PARD3: variants seen among roughly 807,000 people sequenced by gnomAD.
The protein encoded by PARD3 is par-3 family cell polarity regulator.
PARD3 carries 75 observed loss-of-function variants against 155.4 expected under a neutral mutation model. The ratio of observed to expected loss-of-function variants is 0.48; its 90% CI spans 0.40 to 0.58. The LOEUF is 0.58. Ranked by LOEUF, PARD3 falls within the 20% of genes least tolerant of loss-of-function variation. The pLI is 0.00. For synonymous variants in PARD3, 576 were observed against 610.5 expected (o/e 0.94, Z 0.83); for missense variants, 1,642 against 1,721.7 (o/e 0.95, Z 0.82).
chr10:34,276,478 G>A (rs1371454827), intron 21 of PARD3, among the ~76,000 whole-genome samples: 4 of 152,052 alleles, frequency 2.6e-5, no homozygotes, highest in Non-Finnish European at 4.4e-5. Flanking sequence ...AATGGATGAC[G>A]CTCGATGAAG....
chr10:34,711,437 C>G (rs1247102736), intron 1 of PARD3, among the ~76,000 whole-genome samples: 2 of 152,028 alleles, frequency 1.3e-5, no homozygotes, highest in East Asian at 1.9e-4. Flanking sequence ...AGAAGAATCC[C>G]TTGAACCCAG....
intron 1 of PARD3, among the ~76,000 whole-genome samples, chr10:34,747,661 G>A (rs762236906): frequency 3.9e-5 from 6 of 152,186 alleles, no homozygotes; most frequent in Non-Finnish European, 7.3e-5. Flanking sequence ...AGCTGGTGTC[G>A]TGGTATGCCC....
chr10:34,255,126 G>T (rs1013259344), intron 22 of PARD3, among the ~76,000 whole-genome samples: 1 of 150,420 alleles, frequency 6.6e-6, no homozygotes, highest in Admixed American at 6.7e-5. Context: ...AATAATTTAC[G>T]ATTTAAATCA....
At chr10:34,194,876 A>G (rs1950873119) in intron 22 of PARD3, among the ~76,000 whole-genome samples, 1 of 152,230 alleles carries the variant, frequency 6.6e-6, no homozygotes, top group Non-Finnish European at 1.5e-5. Flanking sequence ...AGCTGAGGTG[A>G]TTACATGTAT....
At chr10:34,206,024 T>C (rs1588753597) in intron 22 of PARD3, among the ~76,000 whole-genome samples, 1 of 152,170 alleles carries the variant, frequency 6.6e-6, no homozygotes, top group South Asian at 2.1e-4. Context: ...CGAGGTCTTG[T>C]CCCATACAGC....
chr10:34,382,486 T>G (rs937235751), intron 9 of PARD3, 54 bp downstream of exon 9: 2 of 1,558,360 alleles, frequency 1.3e-6, no homozygotes, highest in Non-Finnish European at 1.7e-6. Context: ...TCTACCCTTG[T>G]GTGTTGCTGC....
chr10:34,517,179 G>A lies in PARD3; in HGVS notation c.223-20C>T, dbSNP rs1017709622. On this transcript the variant is annotated intron_variant, in intron 2 of 24. Coordinates refer to ENST00000374788, the MANE Select transcript of PARD3 (RefSeq NM_001184785.2). ...TACCAGCTAGAAATGAAAGGTAAAT[G>A]TGCACTTATAAATAAAGGCACTTAA... is the stretch of plus-strand genomic sequence containing the variant. 37 of 1,607,390 alleles carry A rather than the reference G, an allele frequency of 2.3e-5. No homozygotes were observed. The highest frequency in any genetic ancestry group is 3.3e-4 in the Middle Eastern group (2 of 6,030).
chr10:34,601,548 T>C (rs1049098743), intron 2 of PARD3, among the ~76,000 whole-genome samples: 7 of 152,200 alleles, frequency 4.6e-5, no homozygotes, highest in Non-Finnish European at 7.3e-5. Flanking sequence ...ATTTTTCACA[T>C]GGAAGTTAAT....
intron 2 of PARD3, among the ~76,000 whole-genome samples, chr10:34,678,279 G>A (rs1027491802): frequency 6.6e-6 from 1 of 151,922 alleles, no homozygotes; most frequent in African/African-American, 2.4e-5. Context: ...TCACCATGTT[G>A]CCCAGGCTGG....
intron 22 of PARD3, among the ~76,000 whole-genome samples, chr10:34,213,815 C>T (rs1395769183): frequency 7.2e-5 from 11 of 152,222 alleles, no homozygotes; most frequent in Admixed American, 6.5e-4. Flanking sequence ...TAATGACAAA[C>T]GATTGACTTT....
At chr10:34,761,859 C>A (rs755232561) in intron 1 of PARD3, among the ~76,000 whole-genome samples, 1 of 152,044 alleles carries the variant, frequency 6.6e-6, no homozygotes, top group Non-Finnish European at 1.5e-5. Flanking sequence ...TCATGATAAA[C>A]GAACCAGGGA....
intron 20 of PARD3, among the ~76,000 whole-genome samples, chr10:34,309,879 G>C (rs1589135114): frequency 9.8e-6 from 1 of 102,026 alleles, no homozygotes; most frequent in Non-Finnish European, 2.0e-5. Context: ...TGCAAGTGGG[G>C]AAAAGGATCA....
Position 34,214,222 on chromosome 10 carries a change from T to C in PARD3, c.3419+55435A>G, listed in dbSNP as rs1386008884. Among the ~76,000 whole-genome samples, 4 of 152,302 alleles carry C rather than the reference T, an allele frequency of 2.6e-5. No homozygotes were observed. The South Asian group carries it at 6.2e-4, about 24-fold the overall frequency. The stretch of plus-strand genomic sequence containing the variant: ...CCTTATATTAATTCTCATGTGTGGA[T>C]GCTTTTGATTAAGTAGAGTACCTAA... On this transcript the variant is annotated intron_variant, in intron 22 of 24. Coordinates refer to ENST00000374788, the MANE Select transcript of PARD3 (RefSeq NM_001184785.2).
chr10:34,696,263 A>T, intron 2 of PARD3, 55 bp downstream of exon 2: 4 of 884,176 alleles, frequency 4.5e-6, no homozygotes, highest in Non-Finnish European at 7.3e-6. Context: ...CCCGCTCCCT[A>T]GTCCTCAAAA....
chr10:34,499,177 T>G (rs912547833), intron 3 of PARD3, among the ~76,000 whole-genome samples: 4 of 152,186 alleles, frequency 2.6e-5, no homozygotes, highest in Non-Finnish European at 5.9e-5. Flanking sequence ...ATAATATAAC[T>G]ACAAAATTAT....
In PARD3 at chr10:34,471,680, G is replaced by A. The variant is rs567206732; in HGVS notation, c.404-1417C>T. Among the ~76,000 whole-genome samples, 8 of 152,194 alleles carry A rather than the reference G, an allele frequency of 5.3e-5. No individual in the cohort carries two copies. The South Asian group carries it at 1.0e-3, about 20-fold the overall frequency. ...AGTGATTCACCTGCCTCAGCCTCCC[G>A]AGTAGCTACAGGCTACTACAAGTGT... On this transcript the variant is annotated intron_variant, in intron 3 of 24. Coordinates refer to ENST00000374788, the MANE Select transcript of PARD3 (RefSeq NM_001184785.2).
chr10:34,579,432 G>A (rs1361345088), intron 2 of PARD3, among the ~76,000 whole-genome samples: 1 of 151,942 alleles, frequency 6.6e-6, no homozygotes, highest in Non-Finnish European at 1.5e-5. Flanking sequence ...AGGTGCCCTA[G>A]ATGAACTTAG....
chr10:34,733,061 A>G (rs1304025990), intron 1 of PARD3, among the ~76,000 whole-genome samples: 3 of 152,196 alleles, frequency 2.0e-5, no homozygotes, highest in Admixed American at 2.0e-4. Flanking sequence ...AAACAAGGTG[A>G]TATCAAAATA....
chr10:34,754,451 AAAT>A (rs1438108167), intron 1 of PARD3, among the ~76,000 whole-genome samples: 3 of 152,230 alleles, frequency 2.0e-5, no homozygotes, highest in African/African-American at 7.2e-5. Flanking sequence ...GTACTTTCCC[AAAT>A]AAGCAAGTTC....
Sources: gnomAD v4.1 joint callset for allele counts (sites outside exome capture counted in the v4.1 genomes callset) on GRCh38, gnomAD v4.1.1 for gene constraint, MANE v1.5 for transcripts, NCBI Gene and HGNC (gene_info 2026-07-23, HGNC 2026-07-21) for gene names.